The following PRELID1 variants were observed in gnomAD, a reference collection of about 807,000 sequenced individuals.
The protein encoded by PRELID1 is PRELI domain containing 1.
Under a neutral mutation model 29.0 loss-of-function variants are expected in PRELID1, and 15 were observed. The observed-to-expected ratio is 0.52, with a 90% CI of 0.35 to 0.80. The LOEUF is 0.80. Ranked by LOEUF, PRELID1 falls within the 30% of genes least tolerant of loss-of-function variation. The pLI, the probability that PRELID1 is intolerant of heterozygous loss-of-function variation, is 0.01. For missense variants in PRELID1, 187 were observed against 275.9 expected (o/e 0.68, Z 2.28); for synonymous variants, 79 against 106.5 (o/e 0.74, Z 1.59).
intron 1 of PRELID1, chr5:177,304,321 T>A: frequency 1.7e-6 from 1 of 596,386 alleles, no homozygotes; most frequent in Non-Finnish European, 3.0e-6. Flanking sequence ...GGCGGCAGTA[T>A]GGGAGTTGGG....
At chr5:177,304,927 T>TA in intron 2 of PRELID1, 77 bp downstream of exon 2, 2 of 1,374,936 alleles carry the variant, frequency 1.5e-6, no homozygotes, top group Admixed American at 2.0e-5. Context: ...CAGATACATG[T>TA]GGCTAGAGAG....
chr5:177,306,343 A>G, intron 4 of PRELID1, 79 bp from the exon 5 acceptor site: 1 of 1,601,674 alleles, frequency 6.2e-7, no homozygotes, highest in Non-Finnish European at 8.5e-7. Context: ...GGCCCAGAGG[A>G]GATTGGTGTC....
rs1192482653 is a variant in PRELID1, at chr5:177,306,484, A to T, written c.574A>T (p.Thr192Ser). The T allele has an allele frequency of 3.1e-6, 5 of 1,613,700 alleles. No homozygotes were observed. The highest frequency in any genetic ancestry group is 1.7e-5 in the Admixed American group (1 of 59,960). Residue 192 changes from threonine (T) to serine (S), a missense_variant, in exon 5 of 5, where the codon ACG (threonine) becomes TCG (serine). Physicochemically the swap from Thr to Ser is moderately conservative, Grantham distance 58. Transcript: ENST00000303204. ...GGAAGCCAAGGAGAAGGCAAAGGAG[A>T]CGGCACTGGCAGCTACAGAGAAGGC... is the stretch of plus-strand genomic sequence containing the variant. ...AKEAKEKAKE[T>S]ALAATEKAKD...
Position 177,306,767 on chromosome 5 carries a change from G to A in PRELID1, c.*197G>A. ...AGCCAGGTCTGCTTATTCTCCCATT[G>A]GGCAGCTGAGGACCGAGGCACAGAG... On this transcript the variant is annotated 3_prime_UTR_variant, in exon 5 of 5. Coordinates refer to ENST00000303204, the MANE Select transcript of PRELID1 (RefSeq NM_013237.4). 1 of 962,260 alleles carries A rather than the reference G, an allele frequency of 1.0e-6. No homozygotes were observed. Among genetic ancestry groups the A allele is most frequent in the South Asian group, 1.7e-5 (1 of 59,852 alleles). The allele number at this position is 962,260 out of a possible 1,614,324, so 59.6% of individuals were successfully genotyped here.
At position 177,303,976 on chromosome 5, in the gene PRELID1, G is replaced by C; in HGVS notation, c.-10G>C. ...GCTGCGCGGGTGCTGAGCCCGCTTC[G>C]GCCGGGACGATGGTGAAGTATTTCC... On this transcript the variant is annotated 5_prime_UTR_variant, in exon 1 of 5. Transcript: ENST00000303204. This position sits in a 1 kb window ranked among gnomAD's most constrained non-coding sequence, Gnocchi z 6.1. 1 of 1,607,198 alleles carries C rather than the reference G, an allele frequency of 6.2e-7. No homozygotes were observed. Among genetic ancestry groups the C allele is most frequent in the Admixed American group, 1.7e-5 (1 of 59,952 alleles).
rs747443529 is a variant in PRELID1 at position 177,306,118 on chromosome 5, C to G, written c.453C>G (p.Phe151Leu). 3.7e-6 allele frequency: 6 copies of G among 1,613,768 alleles called. No homozygotes were observed. The Admixed American group carries it at 1.0e-4, about 27-fold the overall frequency. The change falls in exon 4 of 5, where the codon TTC becomes TTG. Residue 151 changes from phenylalanine to leucine, a missense_variant. Transcript: ENST00000303204. ...GCCAGGAATTTGGTCTTGCCCGATT[C>G]AAAAGCAACGTGACCAAGACTATGA... ...RAVQEFGLAR[F>L]KSNVTKTMKG... is the part of the protein sequence containing the mutation.
At position 177,306,751 on chromosome 5, in the gene PRELID1, T is replaced by C; in HGVS notation, c.*181T>C. ...ACATGATTCATGTCTGAGCCAGGTC[T>C]GCTTATTCTCCCATTGGGCAGCTGA... On this transcript the variant is annotated 3_prime_UTR_variant, in exon 5 of 5. Transcript: ENST00000303204. 9.4e-7 allele frequency: 1 copy of C among 1,060,364 alleles called. No homozygotes were observed. The highest frequency in any genetic ancestry group is 1.3e-6 in the Non-Finnish European group (1 of 750,346). The allele number at this position is 1,060,364 out of a possible 1,614,324, so 65.7% of individuals were successfully genotyped here.
At position 177,306,421 on chromosome 5, in the gene PRELID1, G is replaced by C. The variant is rs561502395; in HGVS notation, c.512-1G>C. The C allele has an allele frequency of 1.9e-6, 3 of 1,614,044 alleles. No individual in the cohort carries two copies. Among genetic ancestry groups the C allele is most frequent in the South Asian group, 2.2e-5 (2 of 91,060 alleles). Reference sequence around the variant, plus strand: ...AGGCAGCCACCTGCCGTTCGCGACAGGCGAGGCCCCTTCCAAAACACTTGT... The same window carrying C: ...AGGCAGCCACCTGCCGTTCGCGACACGCGAGGCCCCTTCCAAAACACTTGT... On this transcript the variant is annotated splice_acceptor_variant, in intron 4 of 4. Coordinates refer to ENST00000303204, the MANE Select transcript of PRELID1 (RefSeq NM_013237.4). LOFTEE classifies it high-confidence loss of function.
chr5:177,304,928 G>GC, intron 2 of PRELID1, 78 bp downstream of exon 2: 2 of 1,374,946 alleles, frequency 1.5e-6, no homozygotes, highest in Admixed American at 2.0e-5. Flanking sequence ...AGATACATGT[G>GC]GCTAGAGAGC....
Position 177,305,910 on chromosome 5 carries a change from A to G in PRELID1, c.358A>G (p.Asn120Asp). The change falls in exon 3 of 5, where the codon AAC (asparagine) becomes GAC (aspartate). Residue 120 changes from asparagine to aspartate, a missense_variant. Transcript: ENST00000303204. ...ATGTGTTTACTGTGTGAACTCTGAC[A>G]ACAGTGGCTGGACTGAAATCCGCCG... ...ERCVYCVNSD[N>D]SGWTEIRREA... 1.2e-6 allele frequency: 2 copies of G among 1,614,172 alleles called. No homozygotes were observed. The highest frequency in any genetic ancestry group is 1.7e-6 in the Non-Finnish European group (2 of 1,180,036).
chr5:177,306,513 G>A lies in PRELID1; in HGVS notation c.603G>A (p.Lys201=). 1 of 1,613,316 alleles carries A rather than the reference G, an allele frequency of 6.2e-7. No homozygotes were observed. The highest frequency in any genetic ancestry group is 8.5e-7 in the Non-Finnish European group (1 of 1,179,670). ...ETALAATEKA[K]DLASKAATKK... ...CACTGGCAGCTACAGAGAAGGCCAA[G>A]GACCTCGCCAGCAAGGCGGCCACCA... Residue 201 remains lysine, a synonymous_variant, in exon 5 of 5, where the codon AAG becomes AAA. Transcript: ENST00000303204.
intron 1 of PRELID1, chr5:177,304,279 G>C (rs1401220893): frequency 3.3e-6 from 2 of 610,970 alleles, no homozygotes; most frequent in Non-Finnish European, 5.8e-6. Flanking sequence ...CTTAGTGTAA[G>C]ATTCTTTTCT....
intron 2 of PRELID1, 55 bp downstream of exon 2, chr5:177,304,905 TAG>T: frequency 6.9e-7 from 1 of 1,454,046 alleles, no homozygotes; most frequent in Non-Finnish European, 9.4e-7. Flanking sequence ...CCCCCCGAGA[TAG>T]AGAGCTCCTC....
intron 2 of PRELID1, 193 bp from the exon 3 acceptor site, chr5:177,305,673 CAGAAG>C: frequency 1.7e-6 from 1 of 590,834 alleles, no homozygotes; most frequent in Non-Finnish European, 3.0e-6. Context: ...GTTTAAGAGT[CAGAAG>C]AGAGGTTTTC....
rs538379560 is a variant in PRELID1 at position 177,306,192 on chromosome 5, T to C, written c.511+16T>C. On this transcript the variant is annotated intron_variant, in intron 4 of 4. Coordinates refer to ENST00000303204, the MANE Select transcript of PRELID1 (RefSeq NM_013237.4). The stretch of plus-strand genomic sequence containing the variant: ...AAGCTGCAAGGTGAGTTTCTGGGTA[T>C]GTGGATATTCCTCATAGGGAGAGGC... 55 of 1,607,810 alleles carry C rather than the reference T, an allele frequency of 3.4e-5. No homozygotes were observed. The South Asian group carries it at 6.0e-4, about 18-fold the overall frequency.
At position 177,303,914 on chromosome 5, in the gene PRELID1, C is replaced by T. The variant is rs1760784596; in HGVS notation, c.-72C>T. 7.3e-7 allele frequency: 1 copy of T among 1,373,840 alleles called. No individual in the cohort carries two copies. The highest frequency in any genetic ancestry group is 1.0e-6 in the Non-Finnish European group (1 of 999,224). 85.1% of individuals were successfully genotyped at this position (1,373,840 alleles called of 1,614,324 possible). A position where few individuals can be genotyped will look rare whatever the true frequency, so the allele number is the denominator to read the frequency against. ...GTGTGCGCCGAGCCCCGGCCCGGCC[C>T]GGCCCTCGCGTGCCTCCCAGGCTCC... On this transcript the variant is annotated 5_prime_UTR_variant, in exon 1 of 5. Coordinates refer to ENST00000303204, the MANE Select transcript of PRELID1 (RefSeq NM_013237.4). The surrounding 1 kb of genome is among the most constrained non-coding windows in gnomAD (Gnocchi z 6.1).
chr5:177,305,051 CTT>C (rs1163154115), intron 2 of PRELID1, among the ~76,000 whole-genome samples: 2 of 152,160 alleles, frequency 1.3e-5, no homozygotes, highest in African/African-American at 4.8e-5. Flanking sequence ...TGGACCTGTC[CTT>C]TGACTCATTC....
chr5:177,306,232 G>A (rs911045204), intron 4 of PRELID1, 56 bp downstream of exon 4: 36 of 1,582,946 alleles, frequency 2.3e-5, no homozygotes, highest in East Asian at 1.3e-4. Context: ...TCAGCCTAGC[G>A]GGCGTGGAGT....
intron 4 of PRELID1, 54 bp from the exon 5 acceptor site, chr5:177,306,368 T>G: frequency 6.2e-7 from 1 of 1,610,964 alleles, no homozygotes; most frequent in Non-Finnish European, 8.5e-7. Flanking sequence ...GGGAGGGAAA[T>G]TAGGTTGGTC....
Sources: allele counts gnomAD v4.1 joint callset (sites outside exome capture counted in the v4.1 genomes callset), GRCh38; gene constraint gnomAD v4.1.1; non-coding constraint Gnocchi (gnomAD v3.1); transcripts MANE v1.5; gene names NCBI Gene and HGNC (gene_info 2026-07-23, HGNC 2026-07-21).